Variants in AGBL1 observed in about 807,000 individuals in gnomAD.
AGBL1 encodes the protein cytosolic carboxypeptidase 4.
A neutral mutation model predicts 118.9 loss-of-function variants in AGBL1; 130 were observed. That is an observed-to-expected ratio of 1.09 (90% CI 0.95 to 1.26). AGBL1 has a LOEUF of 1.26. Ranked by LOEUF, AGBL1 falls within the 50% of genes most tolerant of loss-of-function variation. The pLI is 0.00. For missense variants in AGBL1, 1,584 were observed against 1,298.1 expected (o/e 1.22, Z -3.38); for synonymous variants, 555 against 478.9 (o/e 1.16, Z -2.08).
intron 22 of AGBL1, among the ~76,000 whole-genome samples, chr15:86,708,458 C>T (rs80331198): frequency 6.6e-6 from 1 of 152,126 alleles, no homozygotes; most frequent in South Asian, 2.1e-4. Flanking sequence ...TCTTGGACTT[C>T]AGGCCACCAT....
intron 22 of AGBL1, among the ~76,000 whole-genome samples, chr15:86,729,303 G>A (rs902430029): frequency 6.6e-6 from 1 of 152,090 alleles, no homozygotes; most frequent in Non-Finnish European, 1.5e-5. Context: ...TTATTTTAGG[G>A]TCAGGAGGCA....
At chr15:86,917,482 A>G (rs1271754422), downstream of AGBL1, among the ~76,000 whole-genome samples, 2 of 152,154 alleles carry the variant, frequency 1.3e-5, no homozygotes, top group East Asian at 1.9e-4. This position sits in a 1 kb window ranked among gnomAD's most constrained non-coding sequence, Gnocchi z 4.8. Flanking sequence ...TACTGAGCAC[A>G]CTGAATGTTC....
intron 1 of AGBL1, among the ~76,000 whole-genome samples, chr15:86,121,436 A>G (rs987721034): frequency 2.0e-5 from 3 of 152,268 alleles, no homozygotes; most frequent in Non-Finnish European, 4.4e-5. Flanking sequence ...TCACAAAGAA[A>G]TAGGTCTAAG....
intron 21 of AGBL1, among the ~76,000 whole-genome samples, chr15:86,642,603 C>T (rs1479205948): frequency 1.4e-5 from 2 of 138,824 alleles, no homozygotes; most frequent in Admixed American, 7.6e-5. Context: ...ATAATATTTT[C>T]TAAAATTTTT....
chr15:86,249,977 A>G (rs1193116270), intron 7 of AGBL1, among the ~76,000 whole-genome samples: 1 of 152,204 alleles, frequency 6.6e-6, no homozygotes, highest in Non-Finnish European at 1.5e-5. Context: ...CCAGCCTTGA[A>G]CTACTGTTGG....
chr15:86,453,616 G>A lies in AGBL1; in HGVS notation c.2555+56070G>A, dbSNP rs144038319. Among the ~76,000 whole-genome samples the A allele has an allele frequency of 1.6e-3, 239 of 152,328 alleles. 1 individual carries two copies. Among genetic ancestry groups the A allele is most frequent in the African/African-American group, 5.5e-3 (229 of 41,590 alleles). On this transcript the variant is annotated intron_variant, in intron 18 of 22. Coordinates refer to ENST00000614907, the MANE Select transcript of AGBL1 (RefSeq NM_001386094.1). ...ACCAGCAAAAAGCCATCAGGTTTTA[G>A]AGTTTTCTCATCCGTAGTAAGCTGG... is the stretch of plus-strand genomic sequence containing the variant.
intron 5 of AGBL1, among the ~76,000 whole-genome samples, chr15:86,194,271 A>G (rs2077765946): frequency 1.3e-5 from 2 of 152,066 alleles, no homozygotes; most frequent in Admixed American, 6.6e-5. Flanking sequence ...TCCCTTAATC[A>G]TCTTCCTCAG....
Position 86,270,037 on chromosome 15 carries a change from T to C in AGBL1, c.1957T>C (p.Cys653Arg). The change falls in exon 14 of 23, where the codon TGT becomes CGT. Residue 653 changes from cysteine (C) to arginine (R), a missense_variant. Physicochemically the swap from Cys to Arg is radical, Grantham distance 180. Transcript: ENST00000614907. ...AIPYHFNIIN[C>R]EKPNSQFNYG... ...CCCTTACCACTTCAACATCATCAAC[T>C]GTGAGAAGCCCAACAGCCAGTTTAA... 3.1e-6 allele frequency: 5 copies of C among 1,613,044 alleles called. No homozygotes were observed. Among genetic ancestry groups the C allele is most frequent in the Admixed American group, 1.7e-5 (1 of 59,912 alleles).
At chr15:86,429,049 GAAACACATAGAC>G (rs1214238580) in intron 18 of AGBL1, among the ~76,000 whole-genome samples, 1 of 152,166 alleles carries the variant, frequency 6.6e-6, no homozygotes, top group East Asian at 1.9e-4. Flanking sequence ...GAAGTTTCCA[GAAACACATAGAC>G]AATATCCTTT....
intron 21 of AGBL1, among the ~76,000 whole-genome samples, chr15:86,636,099 GC>G (rs2085077473): frequency 6.6e-6 from 1 of 152,188 alleles, no homozygotes; most frequent in Non-Finnish European, 1.5e-5. Context: ...CAGGAACACT[GC>G]TTTACCATAC....
intron 18 of AGBL1, among the ~76,000 whole-genome samples, chr15:86,478,807 G>A (rs1049135474): frequency 6.6e-6 from 1 of 152,160 alleles, no homozygotes; most frequent in Non-Finnish European, 1.5e-5. Flanking sequence ...AAAGCTGGAG[G>A]CATCTCACTA....
chr15:86,608,556 G>A lies in AGBL1; in HGVS notation c.2994+54019G>A, dbSNP rs2084614811. ...GTCCTGAGAGGCATAAAGTGGTAGAGGCAAAGCAAAGGAGGCCTTGAACTG... is the reference window on the plus strand; with the variant it reads ...GTCCTGAGAGGCATAAAGTGGTAGAAGCAAAGCAAAGGAGGCCTTGAACTG... On this transcript the variant is annotated intron_variant, in intron 21 of 22. Transcript: ENST00000614907. Among the ~76,000 whole-genome samples, 3 of 152,132 alleles carry A rather than the reference G, an allele frequency of 2.0e-5. No individual in the cohort carries two copies. In the South Asian group the frequency reaches 6.2e-4, roughly 32 times the overall value.
chr15:86,749,828 G>A (rs938616569), intron 22 of AGBL1, among the ~76,000 whole-genome samples: 13 of 152,250 alleles, frequency 8.5e-5, no homozygotes, highest in Admixed American at 3.9e-4. Context: ...ATTTGCGTAT[G>A]TTGAACCAGC....
chr15:86,938,544 A>G (rs1596652665), intron 23 of AGBL1, among the ~76,000 whole-genome samples: 2 of 152,194 alleles, frequency 1.3e-5, no homozygotes, highest in Non-Finnish European at 2.9e-5. Flanking sequence ...GAAGAATGGC[A>G]TGGGGGCTGT....
At chr15:86,965,301 C>A (rs2081037955) in intron 23 of AGBL1, among the ~76,000 whole-genome samples, 1 of 152,054 alleles carries the variant, frequency 6.6e-6, no homozygotes, top group African/African-American at 2.4e-5. Flanking sequence ...CTGCTGTTTC[C>A]TGACTTTTTA....
intron 18 of AGBL1, among the ~76,000 whole-genome samples, chr15:86,429,030 G>C (rs913470636): frequency 6.6e-6 from 1 of 152,190 alleles, no homozygotes; most frequent in Non-Finnish European, 1.5e-5. Context: ...TATGGCTGCT[G>C]GTTTCACAGA....
downstream of AGBL1, among the ~76,000 whole-genome samples, chr15:86,919,747 G>T (rs1596635067): frequency 6.6e-6 from 1 of 152,322 alleles, no homozygotes; most frequent in East Asian, 1.9e-4. Context: ...ACTGCGGCAA[G>T]CTCTCTCACG....
chr15:86,480,089 G>A (rs927062181), intron 18 of AGBL1, among the ~76,000 whole-genome samples: 1 of 152,114 alleles, frequency 6.6e-6, no homozygotes, highest in Non-Finnish European at 1.5e-5. Context: ...CCTGTTGTGG[G>A]GTGGGGAGAG....
intron 19 of AGBL1, among the ~76,000 whole-genome samples, chr15:86,540,640 C>G (rs2083481966): frequency 1.3e-5 from 2 of 152,092 alleles, no homozygotes; most frequent in African/African-American, 4.8e-5. Context: ...GGAACAGTTT[C>G]TGCTTACCTG....
Sources: allele counts gnomAD v4.1 joint callset (sites outside exome capture counted in the v4.1 genomes callset), GRCh38; gene constraint gnomAD v4.1.1; non-coding constraint Gnocchi (gnomAD v3.1); transcripts MANE v1.5; gene names NCBI Gene and HGNC (gene_info 2026-07-23, HGNC 2026-07-21).